Variants in ACSL1 observed in about 807,000 individuals in gnomAD.
ACSL1 encodes the protein long-chain-fatty-acid--CoA ligase 1.
In ACSL1, 41 loss-of-function variants were observed where a neutral mutation model predicts 98.4. That is an observed-to-expected ratio of 0.42 (90% CI 0.32 to 0.54). The LOEUF (loss-of-function observed/expected upper bound fraction) is 0.54. Among genes scored for constraint, ACSL1 ranks in the 20% least tolerant of loss-of-function variants. The pLI, the probability that ACSL1 is intolerant of heterozygous loss-of-function variation, is 0.13. For missense variants in ACSL1, 734 were observed against 883.1 expected (o/e 0.83, Z 2.14); for synonymous variants, 316 against 322.7 (o/e 0.98, Z 0.22).
chr4:184,765,761 C>A, intron 14 of ACSL1, 130 bp downstream of exon 14: 1 of 717,806 alleles, frequency 1.4e-6, no homozygotes, highest in Non-Finnish European at 2.3e-6. Context: ...GTTGTTACGC[C>A]ATAAATATAG....
chr4:184,785,861 T>C (rs1767203357), intron 3 of ACSL1, among the ~76,000 whole-genome samples: 1 of 152,214 alleles, frequency 6.6e-6, no homozygotes, highest in Admixed American at 6.5e-5. Context: ...ATACAGCAGG[T>C]CCTCAAATAA....
rs762952260 is a variant in ACSL1 at position 184,757,218 on chromosome 4, G to A, written c.2004C>T (p.Gly668=). The change falls in exon 21 of 21, where the codon GGC becomes GGT. Residue 668 remains glycine (G), a synonymous_variant. Coordinates refer to ENST00000281455, the MANE Select transcript of ACSL1 (RefSeq NM_001995.5). This position sits in a 1 kb window ranked among gnomAD's most constrained non-coding sequence, Gnocchi z 4.5. ...LHPELFSIDN[G]LLTPTMKAKR... ...TCGCCTTCATTGTTGGAGTCAGAAG[G>A]CCATTGTCGATAGAAAATAATTCAG... 6 of 1,608,952 alleles carry A rather than the reference G, an allele frequency of 3.7e-6. No homozygotes were observed. The highest frequency in any genetic ancestry group is 5.1e-6 in the Non-Finnish European group (6 of 1,175,860).
Position 184,770,475 on chromosome 4 carries a change from T to C in ACSL1, c.917A>G (p.Asn306Ser). 3.1e-6 allele frequency: 5 copies of C among 1,611,532 alleles called. No homozygotes were observed. Among genetic ancestry groups the C allele is most frequent in the Middle Eastern group, 1.7e-4 (1 of 6,060 alleles). Residue 306 changes from asparagine to serine, a missense_variant and splice_region_variant, in exon 11 of 21, where the codon AAT (asparagine) becomes AGT (serine). Coordinates refer to ENST00000281455, the MANE Select transcript of ACSL1 (RefSeq NM_001995.5). ...DCSAFVKATE[N>S]TVNPCPDDTL... ...ATCATCTGGGCAAGGATTGACTGTATTCTGTAAGCAAAGACACCAGCAAGG... is the reference window on the plus strand; with the variant it reads ...ATCATCTGGGCAAGGATTGACTGTACTCTGTAAGCAAAGACACCAGCAAGG...
At chr4:184,791,949 AG>A (rs1768448818) in intron 2 of ACSL1, among the ~76,000 whole-genome samples, 1 of 152,240 alleles carries the variant, frequency 6.6e-6, no homozygotes, top group African/African-American at 2.4e-5. Flanking sequence ...CCTTCAAGAC[AG>A]GTCAACCACC....
At chr4:184,794,922 C>CCAAT (rs60107446) in intron 2 of ACSL1, among the ~76,000 whole-genome samples, 42,067 of 151,554 alleles carry the variant, frequency 0.28, 8,197 homozygotes, top group African/African-American at 0.56. Context: ...CCCCACTATC[C>CCAAT]CAGAGGATTT....
rs768810245 is a variant in ACSL1, at chr4:184,760,432, G to A, written c.1707C>T (p.Ala569=). 1 of 1,614,072 alleles carries A rather than the reference G, an allele frequency of 6.2e-7. No homozygotes were observed. The highest frequency in any genetic ancestry group is 1.7e-5 in the Admixed American group (1 of 60,014). ...IFKLAQGEYI[A]PEKIENIYMR... ...TGTAGATATTTTCAATCTTTTCAGGGGCTATGTATTCTCCTTGTGCCAGCT... is the reference window on the plus strand; with the variant it reads ...TGTAGATATTTTCAATCTTTTCAGGAGCTATGTATTCTCCTTGTGCCAGCT... The change falls in exon 18 of 21, where the codon GCC becomes GCT. Residue 569 remains alanine (A), a synonymous_variant. Transcript: ENST00000281455.
At chr4:184,769,447 A>G (rs4862417) in intron 11 of ACSL1, among the ~76,000 whole-genome samples, 44,015 of 152,186 alleles carry the variant, frequency 0.29, 7,177 homozygotes, top group East Asian at 0.68. Context: ...CGAGAAAGGT[A>G]CACCATGGTT....
Position 184,757,754 on chromosome 4 carries a change from A to C in ACSL1, c.1885-48T>G. The C allele has an allele frequency of 6.2e-7, 1 of 1,608,922 alleles. No homozygotes were observed. The highest frequency in any genetic ancestry group is 8.5e-7 in the Non-Finnish European group (1 of 1,175,424). On this transcript the variant is annotated intron_variant, in intron 19 of 20. Coordinates refer to ENST00000281455, the MANE Select transcript of ACSL1 (RefSeq NM_001995.5). This position sits in a 1 kb window ranked among gnomAD's most constrained non-coding sequence, Gnocchi z 4.5. ...TTACTTCCTCTGTTAGAGGTCCCTG[A>C]ATATCTACAGGTACATTTAATGCCA...
At chr4:184,792,086 C>T (rs1029889425) in intron 2 of ACSL1, among the ~76,000 whole-genome samples, 7 of 151,878 alleles carry the variant, frequency 4.6e-5, no homozygotes, top group South Asian at 4.2e-4. Context: ...TTCTGGAATC[C>T]GAGAAACATG....
chr4:184,815,094 G>A (rs762115824), intron 1 of ACSL1: 6 of 456,082 alleles, frequency 1.3e-5, no homozygotes, highest in East Asian at 6.9e-5. Flanking sequence ...TGATAACCAC[G>A]GCAGGTAGGG....
In ACSL1 at chr4:184,811,395, A is replaced by G. The variant is rs578101584; in HGVS notation, c.-32-7849T>C. ...CCAAAGTGCTGGGATTACAGGTGTG[A>G]GCCACCGCGCCCAGCTGCACAATGC... On this transcript the variant is annotated intron_variant, in intron 1 of 20. Transcript: ENST00000281455. Among the ~76,000 whole-genome samples the G allele has an allele frequency of 3.9e-5, 6 of 152,172 alleles. No individual in the cohort carries two copies. In the South Asian group the frequency reaches 8.3e-4, roughly 21 times the overall value.
intron 2 of ACSL1, among the ~76,000 whole-genome samples, chr4:184,794,159 G>A (rs898838853): frequency 2.6e-5 from 4 of 152,112 alleles, no homozygotes; most frequent in African/African-American, 4.8e-5. Context: ...CATTTTACAC[G>A]CATCTTAGCC....
At chr4:184,772,212 T>C (rs1431635466) in intron 10 of ACSL1, among the ~76,000 whole-genome samples, 1 of 152,232 alleles carries the variant, frequency 6.6e-6, no homozygotes, top group African/African-American at 2.4e-5. Context: ...GAACTCTGTT[T>C]AGAAAGTATA....
rs58575511 is a variant in ACSL1, at chr4:184,805,267, T to A, written c.-32-1721A>T. Among the ~76,000 whole-genome samples the A allele has an allele frequency of 5.2e-3, 795 of 152,266 alleles. 8 individuals are homozygous for A. Among genetic ancestry groups the A allele is most frequent in the African/African-American group, 0.018 (748 of 41,532 alleles). On this transcript the variant is annotated intron_variant, in intron 1 of 20. Coordinates refer to ENST00000281455, the MANE Select transcript of ACSL1 (RefSeq NM_001995.5). ...AGAAATTTTCTGCTAAAATTTAAAT[T>A]TAAATGAAATTAATTTTAAATTTAA... is the stretch of plus-strand genomic sequence containing the variant.
chr4:184,765,777 C>G, intron 14 of ACSL1, 114 bp downstream of exon 14: 1 of 810,452 alleles, frequency 1.2e-6, no homozygotes, highest in Non-Finnish European at 1.9e-6. Context: ...TATAGATACG[C>G]TTGTCAATTA....
chr4:184,761,857 T>C (rs1762894979), intron 17 of ACSL1, among the ~76,000 whole-genome samples: 1 of 152,188 alleles, frequency 6.6e-6, no homozygotes, highest in Non-Finnish European at 1.5e-5. Flanking sequence ...GGCGCGGTGG[T>C]GGCTCACGCC....
intron 1 of ACSL1, among the ~76,000 whole-genome samples, chr4:184,823,280 T>C (rs1336518329): frequency 2.0e-5 from 3 of 152,230 alleles, no homozygotes; most frequent in African/African-American, 7.2e-5. Flanking sequence ...AGGAACTTCT[T>C]TTCTATTTTG....
At chr4:184,777,760 T>C (rs911657315) in intron 5 of ACSL1, among the ~76,000 whole-genome samples, 6 of 150,832 alleles carry the variant, frequency 4.0e-5, no homozygotes, top group Non-Finnish European at 7.4e-5. Flanking sequence ...GTAACTGAGA[T>C]TGCCTTTGGA....
intron 3 of ACSL1, among the ~76,000 whole-genome samples, chr4:184,787,233 T>A (rs1323730344): frequency 6.6e-6 from 1 of 152,186 alleles, no homozygotes; most frequent in African/African-American, 2.4e-5. Context: ...CCAGAGGTAC[T>A]CCCTCCTTCA....
Sources: gnomAD v4.1 joint callset for allele counts (sites outside exome capture counted in the v4.1 genomes callset) on GRCh38, gnomAD v4.1.1 for gene constraint, Gnocchi (gnomAD v3.1) non-coding constraint, MANE v1.5 for transcripts, NCBI Gene and HGNC (gene_info 2026-07-23, HGNC 2026-07-21) for gene names.